Variants in MED24 observed in about 807,000 individuals in gnomAD.
MED24 encodes the protein mediator complex subunit 24, also known as mediator of RNA polymerase II transcription subunit 24.
In MED24, 74 loss-of-function variants were observed where a neutral mutation model predicts 118.8. The ratio of observed to expected loss-of-function variants is 0.62; its 90% CI spans 0.52 to 0.76. MED24 has a LOEUF of 0.76. Ranked by LOEUF, MED24 falls within the 30% of genes least tolerant of loss-of-function variation. The probability of loss-of-function intolerance (pLI) is 0.00; values close to 1 mark genes in which losing one functional copy is unlikely to be tolerated. For synonymous variants in MED24, 521 were observed against 523.9 expected, an observed-to-expected ratio of 0.99 and a Z score of 0.08; for missense variants, 1,041 against 1,278.9, an observed-to-expected ratio of 0.81 and a Z score of 2.84.
chr17:40,030,046 T>G (rs1226853730), intron 12 of MED24, among the ~76,000 whole-genome samples, 187 bp from the exon 13 acceptor site: 1 of 152,224 alleles, frequency 6.6e-6, no homozygotes, highest in East Asian at 1.9e-4. Flanking sequence ...ATTAGTCTTT[T>G]TTTTTGAGAC....
In MED24 at chr17:40,043,890, C is replaced by CAAAAAAAAAAAAAAAAAAA. The variant is rs35743512; in HGVS notation, c.214-7737_214-7736insTTTTTTTTTTTTTTTTTTT. Among the ~76,000 whole-genome samples, 600 of 97,158 alleles carry CAAAAAAAAAAAAAAAAAAA rather than the reference C, an allele frequency of 6.2e-3. 35 individuals carry two copies. Among genetic ancestry groups the CAAAAAAAAAAAAAAAAAAA allele is most frequent in the African/African-American group, 0.01 (282 of 27,046 alleles). 63.7% of individuals were successfully genotyped at this position (97,158 alleles called of 152,430 possible). A position where few individuals can be genotyped will look rare whatever the true frequency, so the allele number is the denominator to read the frequency against. On this transcript the variant is annotated intron_variant, in intron 3 of 25. Transcript: ENST00000394128. ...TGGGCAGAAGAGCGAGACTCCATCT[C>CAAAAAAAAAAAAAAAAAAA]AAAAAAAAAAAAAACAAAGATTTAA...
intron 3 of MED24, among the ~76,000 whole-genome samples, chr17:40,050,263 A>G (rs1284156483): frequency 1.3e-5 from 2 of 151,938 alleles, no homozygotes; most frequent in Non-Finnish European, 2.9e-5. Flanking sequence ...AGCCTGGCCA[A>G]CACAGTAAAA....
intron 25 of MED24, 67 bp from the exon 26 acceptor site, chr17:40,019,712 GA>G (rs1255915300): frequency 5.0e-6 from 8 of 1,587,208 alleles, no homozygotes; most frequent in African/African-American, 1.3e-5. Context: ...CAGGGGGAAG[GA>G]GGCCCCTCCC....
At position 40,043,890 on chromosome 17, in the gene MED24, C is replaced by CAAAAAAAAAAAAACAAAAAAAAA. The variant is rs1984831436; in HGVS notation, c.214-7737_214-7736insTTTTTTTTTGTTTTTTTTTTTTT. 5.2e-4 allele frequency among the ~76,000 whole-genome samples: 51 copies of CAAAAAAAAAAAAACAAAAAAAAA among 97,432 alleles called. 4 individuals are homozygous for CAAAAAAAAAAAAACAAAAAAAAA. Among genetic ancestry groups the CAAAAAAAAAAAAACAAAAAAAAA allele is most frequent in the African/African-American group, 1.8e-3 (48 of 27,122 alleles). The allele number at this position is 97,432 out of a possible 152,430, so 63.9% of individuals were successfully genotyped here. The stretch of plus-strand genomic sequence containing the variant: ...TGGGCAGAAGAGCGAGACTCCATCT[C>CAAAAAAAAAAAAACAAAAAAAAA]AAAAAAAAAAAAAACAAAGATTTAA... On this transcript the variant is annotated intron_variant, in intron 3 of 25. Transcript: ENST00000394128.
At position 40,031,540 on chromosome 17, in the gene MED24, G is replaced by A; in HGVS notation, c.1065C>T (p.Cys355=). The stretch of plus-strand genomic sequence containing the variant: ...GGGGTGACCAGGGGAGCTCATACTT[G>A]CAGCGCTGGTCAGCTTTGTCCAACA... ...TPLLDKADQR[C]NCDCTNFLLQ... The change falls in exon 11 of 26, where the codon TGC becomes TGT. Residue 355 remains cysteine (C), a splice_region_variant and synonymous_variant. Transcript: ENST00000394128. 1 of 1,613,858 alleles carries A rather than the reference G, an allele frequency of 6.2e-7. No individual in the cohort carries two copies. The highest frequency in any genetic ancestry group is 8.5e-7 in the Non-Finnish European group (1 of 1,179,736).
chr17:40,028,576 T>C (rs1003975640), intron 14 of MED24, among the ~76,000 whole-genome samples: 2 of 152,206 alleles, frequency 1.3e-5, no homozygotes, highest in African/African-American at 4.8e-5. Flanking sequence ...CCATGCCCAA[T>C]GTTCAACACC....
At chr17:40,051,236 G>A (rs1025673943) in intron 3 of MED24, among the ~76,000 whole-genome samples, 4 of 151,620 alleles carry the variant, frequency 2.6e-5, no homozygotes, top group Non-Finnish European at 5.9e-5. Flanking sequence ...GCTTGAACCC[G>A]AAAGGCAGAG....
In MED24 at chr17:40,019,806, C is replaced by T. The variant is rs1404366378; in HGVS notation, c.2832G>A (p.Leu944=). ...TCACGGTGGTGAAGGGCATGAACTG[C>T]AGGACGCTGCCACGGCCACCCTGCT... ...CLEQGGRGSV[L]QFMPFTTVSE... The change falls in exon 25 of 26, where the codon CTG becomes CTA. Residue 944 remains leucine, a synonymous_variant. Coordinates refer to ENST00000394128, the MANE Select transcript of MED24 (RefSeq NM_014815.4). 1 of 1,609,170 alleles carries T rather than the reference C, an allele frequency of 6.2e-7. No homozygotes were observed. Among genetic ancestry groups the T allele is most frequent in the South Asian group, 1.1e-5 (1 of 90,400 alleles).
rs1354101783 is a variant in MED24 at position 40,033,172 on chromosome 17, T to A, written c.706A>T (p.Met236Leu). Residue 236 changes from methionine to leucine, a missense_variant, in exon 8 of 26, where the codon ATG becomes TTG. Physicochemically the swap from Met to Leu is conservative, Grantham distance 15. Transcript: ENST00000394128. The surrounding 1 kb of genome is among the most constrained non-coding windows in gnomAD (Gnocchi z 5.2). ...ACAGTGGGGAAGCCGGTCTTGTGCATCTGCTCCGCATGCACAGACAGCATC... is the reference window on the plus strand; with the variant it reads ...ACAGTGGGGAAGCCGGTCTTGTGCAACTGCTCCGCATGCACAGACAGCATC... ...PTMLSVHAEQ[M>L]HKTGFPTVHA... 1 of 1,614,104 alleles carries A rather than the reference T, an allele frequency of 6.2e-7. No individual in the cohort carries two copies. Among genetic ancestry groups the A allele is most frequent in the South Asian group, 1.1e-5 (1 of 91,090 alleles).
intron 4 of MED24, 79 bp downstream of exon 4, chr17:40,036,037 G>GCTGGA (rs1983897579): frequency 6.8e-7 from 1 of 1,473,602 alleles, no homozygotes; most frequent in Non-Finnish European, 9.5e-7. Context: ...AGCCTCACGG[G>GCTGGA]TCACAGCATC....
rs764649446 is a variant in MED24 at position 40,027,367 on chromosome 17, C to T, written c.1530+16G>A. 8.7e-6 allele frequency: 14 copies of T among 1,609,178 alleles called. No homozygotes were observed. The East Asian group carries it at 3.1e-4, about 36-fold the overall frequency. Reference sequence around the variant, plus strand: ...CCTTCCCTTGAGCCCCCGTCCCGGTCGCTCCCCTCTCTCACCTCTGAACCA... The same window carrying T: ...CCTTCCCTTGAGCCCCCGTCCCGGTTGCTCCCCTCTCTCACCTCTGAACCA... On this transcript the variant is annotated intron_variant, in intron 16 of 25. Coordinates refer to ENST00000394128, the MANE Select transcript of MED24 (RefSeq NM_014815.4).
chr17:40,049,340 C>T (rs1985573973), intron 3 of MED24, among the ~76,000 whole-genome samples: 1 of 152,110 alleles, frequency 6.6e-6, no homozygotes. Flanking sequence ...TTTGCACACA[C>T]ACTCTCCTCA....
At chr17:40,035,872 C>A in intron 4 of MED24, 77 bp from the exon 5 acceptor site, 1 of 1,408,568 alleles carries the variant, frequency 7.1e-7, no homozygotes, top group South Asian at 1.2e-5. Flanking sequence ...ACGGTGCATT[C>A]AGGACTCCTG....
intron 3 of MED24, among the ~76,000 whole-genome samples, chr17:40,039,556 G>A (rs1984315058): frequency 6.6e-6 from 1 of 152,168 alleles, no homozygotes; most frequent in Non-Finnish European, 1.5e-5. Flanking sequence ...GGGCACAAAG[G>A]TCTTTCATAT....
intron 15 of MED24, 157 bp downstream of exon 15, chr17:40,027,752 C>T (rs1020522131): frequency 3.7e-6 from 3 of 815,108 alleles, no homozygotes; most frequent in African/African-American, 3.4e-5. Context: ...CAGCATTATC[C>T]ACTTTCAAGC....
chr17:40,048,853 C>A lies in MED24; in HGVS notation c.213+4445G>T, dbSNP rs182412984. Among the ~76,000 whole-genome samples, 596 of 151,932 alleles carry A rather than the reference C, an allele frequency of 3.9e-3. 30 individuals carry two copies. The East Asian group carries it at 0.099, about 25-fold the overall frequency. On this transcript the variant is annotated intron_variant, in intron 3 of 25. Coordinates refer to ENST00000394128, the MANE Select transcript of MED24 (RefSeq NM_014815.4). ...TACAGGCAGGAGCCACCATGCCTGGCCAATAATATATATGTTTTAATATTT... is the reference window on the plus strand; with the variant it reads ...TACAGGCAGGAGCCACCATGCCTGGACAATAATATATATGTTTTAATATTT...
At chr17:40,029,888 G>A (rs764287454) in intron 12 of MED24, 29 bp from the exon 13 acceptor site, 35 of 1,600,026 alleles carry the variant, frequency 2.2e-5, no homozygotes, top group Non-Finnish European at 2.9e-5. Flanking sequence ...GGCCAAGGAA[G>A]GGAAGAGGAA....
At chr17:40,053,418 A>G (rs749941877) in intron 2 of MED24, 38 bp from the exon 3 acceptor site, 1 of 1,613,474 alleles carries the variant, frequency 6.2e-7, no homozygotes, top group South Asian at 1.1e-5. Flanking sequence ...GAGTGATTAC[A>G]ACTTCTCTGG....
chr17:40,043,897 A>AAAAAAAAAAAAAAAAAC (rs1568172717), intron 3 of MED24, among the ~76,000 whole-genome samples: 6 of 150,808 alleles, frequency 4.0e-5, no homozygotes, highest in Non-Finnish European at 5.9e-5. Context: ...TCTCAAAAAA[A>AAAAAAAAAAAAAAAAAC]AAAAAAACAA....
Sources: allele counts gnomAD v4.1 joint callset (sites outside exome capture counted in the v4.1 genomes callset), GRCh38; gene constraint gnomAD v4.1.1; non-coding constraint Gnocchi (gnomAD v3.1); transcripts MANE v1.5; gene names NCBI Gene and HGNC (gene_info 2026-07-23, HGNC 2026-07-21).